Variants in ARIH2 observed in about 807,000 individuals in gnomAD.
The protein encoded by ARIH2 is E3 ubiquitin-protein ligase ARIH2.
ARIH2 carries 12 observed loss-of-function variants against 79.8 expected under a neutral mutation model. That is an observed-to-expected ratio of 0.15 (90% confidence interval 0.10 to 0.24). ARIH2 has a LOEUF of 0.24. Ranked by LOEUF, ARIH2 falls within the 10% of genes least tolerant of loss-of-function variation. The probability of loss-of-function intolerance (pLI) is 1.00; values close to 1 mark genes in which losing one functional copy is unlikely to be tolerated. For missense variants in ARIH2, 301 were observed against 618.3 expected (o/e 0.49, Z 5.44); for synonymous variants, 224 against 213.9 (o/e 1.05, Z -0.41).
intron 1 of ARIH2, among the ~76,000 whole-genome samples, chr3:48,920,786 C>T (rs1181903759): frequency 1.4e-5 from 1 of 69,176 alleles, no homozygotes; most frequent in Non-Finnish European, 2.9e-5. Flanking sequence ...ACGGTGAAAC[C>T]CCATCTCTAC....
At chr3:48,971,747 A>AT (rs1197204031) in intron 8 of ARIH2, among the ~76,000 whole-genome samples, 8 of 152,314 alleles carry the variant, frequency 5.3e-5, no homozygotes, top group Non-Finnish European at 8.8e-5. Context: ...AAGGTTAAGA[A>AT]TCACTAATGC....
At chr3:48,968,300 C>T (rs1274668863) in intron 6 of ARIH2, 6 of 326,142 alleles carry the variant, frequency 1.8e-5, no homozygotes, top group Admixed American at 8.1e-5. Context: ...CTCCGCCTCC[C>T]GGGTTCACGC....
chr3:48,918,916 C>A lies in ARIH2; in HGVS notation c.-244C>A. 6.2e-7 allele frequency: 1 copy of A among 1,600,154 alleles called. No individual in the cohort carries two copies. Among genetic ancestry groups the A allele is most frequent in the South Asian group, 1.1e-5 (1 of 89,820 alleles). The stretch of plus-strand genomic sequence containing the variant: ...CGTCGGCCCGCCGCCTCCGCTGCCG[C>A]TTCGCCCCAATCCGGTCCCTCTGGC... On this transcript the variant is annotated 5_prime_UTR_variant, in exon 1 of 16. Transcript: ENST00000356401.
rs1158929356 is a variant in ARIH2, at chr3:48,938,913, C to CA, written c.255+11126dup. On this transcript the variant is annotated intron_variant, in intron 3 of 15. Transcript: ENST00000356401. The stretch of plus-strand genomic sequence containing the variant: ...CCCTGTCCCCACTGGGTCTTTAGAC[C>CA]AAAAAAAAAAAAAAAAAAAAAAAAA... Among the ~76,000 whole-genome samples the CA allele has an allele frequency of 6.8e-3, 368 of 54,406 alleles. 8 individuals are homozygous for CA. The highest frequency in any genetic ancestry group is 0.01 in the African/African-American group (140 of 13,796). 35.7% of individuals were successfully genotyped at this position (54,406 alleles called of 152,430 possible). A position where few individuals can be genotyped will look rare whatever the true frequency, so the allele number is the denominator to read the frequency against.
chr3:48,945,013 GA>G, intron 3 of ARIH2: 1 of 766,518 alleles, frequency 1.3e-6, no homozygotes, highest in Non-Finnish European at 1.9e-6. Flanking sequence ...TAACAAAAGT[GA>G]TTGGACCACG....
chr3:48,976,782 C>T (rs934504177), intron 11 of ARIH2, among the ~76,000 whole-genome samples: 4 of 152,292 alleles, frequency 2.6e-5, no homozygotes, highest in East Asian at 3.9e-4. Context: ...GTCCATATCC[C>T]TTGACACCCA....
intron 3 of ARIH2, among the ~76,000 whole-genome samples, chr3:48,953,447 A>G (rs1159367912): frequency 1.3e-5 from 2 of 152,130 alleles, no homozygotes; most frequent in Admixed American, 1.3e-4. Context: ...TCTGTCTCCC[A>G]GGCTGGAGGG....
At chr3:48,934,950 C>G in intron 3 of ARIH2, 1 of 985,006 alleles carries the variant, frequency 1.0e-6, no homozygotes, top group Non-Finnish European at 1.2e-6. Flanking sequence ...AGGGGTGATA[C>G]GGTATTTGTG....
rs746188675 is a variant in ARIH2 at position 48,918,919 on chromosome 3, C to T, written c.-241C>T. 8 of 1,596,908 alleles carry T rather than the reference C, an allele frequency of 5.0e-6. No homozygotes were observed. Among genetic ancestry groups the T allele is most frequent in the Non-Finnish European group, 6.8e-6 (8 of 1,175,476 alleles). ...CGGCCCGCCGCCTCCGCTGCCGCTT[C>T]GCCCCAATCCGGTCCCTCTGGCCCG... On this transcript the variant is annotated 5_prime_UTR_variant, in exon 1 of 16. Coordinates refer to ENST00000356401, the MANE Select transcript of ARIH2 (RefSeq NM_006321.4).
At chr3:48,958,588 T>C (rs1240818580) in intron 3 of ARIH2, among the ~76,000 whole-genome samples, 11 of 152,102 alleles carry the variant, frequency 7.2e-5, no homozygotes, top group Non-Finnish European at 1.2e-4. Context: ...CGGGCGCCTG[T>C]AATCCCAGCT....
intron 3 of ARIH2, among the ~76,000 whole-genome samples, chr3:48,953,964 G>A (rs1037893815): frequency 7.3e-5 from 11 of 151,150 alleles, no homozygotes; most frequent in African/African-American, 2.7e-4. Flanking sequence ...TGGAGTTTGA[G>A]ACCAGCCTGG....
intron 1 of ARIH2, among the ~76,000 whole-genome samples, chr3:48,920,039 CG>C (rs2084576919): frequency 6.9e-6 from 1 of 144,396 alleles, no homozygotes; most frequent in Admixed American, 7.1e-5. Context: ...AGTGCAGTGG[CG>C]GCGATCACAG....
intron 11 of ARIH2, among the ~76,000 whole-genome samples, chr3:48,976,545 G>A: frequency 6.6e-6 from 1 of 152,120 alleles, no homozygotes; most frequent in East Asian, 1.9e-4. Flanking sequence ...GTCATGCCAG[G>A]ATCTTAGACA....
intron 3 of ARIH2, among the ~76,000 whole-genome samples, chr3:48,951,328 G>A (rs993358629): frequency 7.9e-5 from 12 of 151,446 alleles, no homozygotes; most frequent in African/African-American, 2.4e-4. Flanking sequence ...TTTTCCCCCT[G>A]TGGAGTTTCA....
At chr3:48,921,992 G>A (rs1354169482) in intron 1 of ARIH2, among the ~76,000 whole-genome samples, 1 of 152,178 alleles carries the variant, frequency 6.6e-6, no homozygotes, top group African/African-American at 2.4e-5. Flanking sequence ...TTCTGTGTTA[G>A]ATTACCACAG....
chr3:48,932,714 C>T (rs1243459610), intron 3 of ARIH2, among the ~76,000 whole-genome samples: 1 of 152,182 alleles, frequency 6.6e-6, no homozygotes, highest in Non-Finnish European at 1.5e-5. Flanking sequence ...CTAGTGCCCT[C>T]ATCTTAGCAT....
At chr3:48,937,254 C>G (rs984737886) in intron 3 of ARIH2, among the ~76,000 whole-genome samples, 3 of 152,192 alleles carry the variant, frequency 2.0e-5, no homozygotes, top group African/African-American at 4.8e-5. Flanking sequence ...CTGTCACCAT[C>G]CTTTCCAGGA....
chr3:48,985,468 T>A lies in ARIH2; in HGVS notation c.*2198T>A. On this transcript the variant is annotated 3_prime_UTR_variant, in exon 16 of 16. Coordinates refer to ENST00000356401, the MANE Select transcript of ARIH2 (RefSeq NM_006321.4). ...CTTTGTTTTTCTTCAACGAAAAAGTTAATTGAGGCAATGTCATCTGCTCAA... is the reference window on the plus strand; with the variant it reads ...CTTTGTTTTTCTTCAACGAAAAAGTAAATTGAGGCAATGTCATCTGCTCAA... The A allele has an allele frequency of 6.6e-6, 1 of 152,228 alleles. No homozygotes were observed. Among genetic ancestry groups the A allele is most frequent in the East Asian group, 1.9e-4 (1 of 5,200 alleles). The allele number at this position is 152,228 out of a possible 1,614,324, so 9.4% of individuals were successfully genotyped here.
chr3:48,942,297 C>A (rs1044204894), intron 3 of ARIH2, among the ~76,000 whole-genome samples: 1 of 152,110 alleles, frequency 6.6e-6, no homozygotes, highest in Admixed American at 6.5e-5. Flanking sequence ...GAGATCTGCC[C>A]GCTTCAGCCT....
Sources: gnomAD v4.1 joint callset for allele counts (sites outside exome capture counted in the v4.1 genomes callset) on GRCh38, gnomAD v4.1.1 for gene constraint, MANE v1.5 for transcripts, NCBI Gene and HGNC (gene_info 2026-07-23, HGNC 2026-07-21) for gene names.